Variants in DYNC2H1 observed in about 807,000 individuals in gnomAD.
DYNC2H1 encodes dynein cytoplasmic 2 heavy chain 1.
DYNC2H1 carries 410 observed loss-of-function variants against 570.0 expected under a neutral mutation model. That is an observed-to-expected ratio of 0.72 (90% CI 0.66 to 0.78). DYNC2H1 has a LOEUF of 0.78. DYNC2H1 is among the 30% of genes least tolerant of loss of function. DYNC2H1 has a pLI of 0.00. For synonymous variants in DYNC2H1, 1,688 were observed against 1,677.6 expected (o/e 1.01, Z -0.15); for missense variants, 4,865 against 5,046.4 (o/e 0.96, Z 1.09).
intron 27 of DYNC2H1, 21 bp from the exon 28 acceptor site, chr11:103,158,889 T>G: frequency 6.4e-7 from 1 of 1,570,018 alleles, no homozygotes; most frequent in Non-Finnish European, 8.6e-7. Context: ...GAAAGCTATT[T>G]TTTGTTTCTA....
chr11:103,332,370 C>A (rs2514415), intron 82 of DYNC2H1, among the ~76,000 whole-genome samples: 68,735 of 150,014 alleles, frequency 0.46, 15,861 homozygotes, highest in Non-Finnish European at 0.49. Context: ...AAAATCAAAC[C>A]ATCTAACCAT....
intron 58 of DYNC2H1, 105 bp from the exon 59 acceptor site, chr11:103,222,860 A>G: frequency 7.0e-7 from 1 of 1,420,978 alleles, no homozygotes; most frequent in East Asian, 2.4e-5. Flanking sequence ...AAACTACTTT[A>G]TTTGGGTCAA....
At position 103,326,845 on chromosome 11, in the gene DYNC2H1, C is replaced by T. The variant is rs1435390215; in HGVS notation, c.12039+2855C>T. Reference sequence around the variant, plus strand: ...GCCTCTAGGAGGGTGATGAGGACCCCTGGGGGAATGGGCACTTAGGGCCTT... The same window carrying T: ...GCCTCTAGGAGGGTGATGAGGACCCTTGGGGGAATGGGCACTTAGGGCCTT... On this transcript the variant is annotated intron_variant, in intron 82 of 88. Coordinates refer to ENST00000375735, the MANE Select transcript of DYNC2H1 (RefSeq NM_001377.3). The surrounding 1 kb of genome is among the most constrained non-coding windows in gnomAD (Gnocchi z 6.1). 1.3e-5 allele frequency among the ~76,000 whole-genome samples: 2 copies of T among 152,172 alleles called. No individual in the cohort carries two copies. The highest frequency in any genetic ancestry group is 2.9e-5 in the Non-Finnish European group (2 of 68,018).
chr11:103,115,189 C>A lies in DYNC2H1; in HGVS notation c.515C>A (p.Pro172Gln). 1 of 1,608,728 alleles carries A rather than the reference C, an allele frequency of 6.2e-7. No individual in the cohort carries two copies. Among genetic ancestry groups the A allele is most frequent in the South Asian group, 1.1e-5 (1 of 89,706 alleles). The stretch of plus-strand genomic sequence containing the variant: ...TTGACTTTTATAGGTATCCTTACAC[C>A]AAGCGATGAGTTCCAGTTTTGGATA... ...KEDDTRGILTPSDEFQFWIEQ... is the reference protein window; with the variant it reads ...KEDDTRGILTQSDEFQFWIEQ... The change falls in exon 4 of 89, where the codon CCA becomes CAA. Residue 172 changes from proline to glutamine, a missense_variant. Around this residue, in one of 5 missense-constraint regions of DYNC2H1, gnomAD observed 1,936 missense variants for 1,962.1 expected, o/e 0.99. Transcript: ENST00000375735.
At chr11:103,458,987 A>G (rs1036820751) in intron 87 of DYNC2H1, among the ~76,000 whole-genome samples, 2 of 151,962 alleles carry the variant, frequency 1.3e-5, no homozygotes, top group Admixed American at 1.3e-4. Flanking sequence ...ATAGTTCTTT[A>G]ATGCAGTTAA....
chr11:103,113,844 T>A (rs1591256499), intron 2 of DYNC2H1, 137 bp downstream of exon 2: 3 of 881,254 alleles, frequency 3.4e-6, no homozygotes, highest in Admixed American at 3.9e-5. Context: ...TAACTTTTTT[T>A]AACTTAAATT....
At chr11:103,430,598 A>T (rs1409488138) in intron 84 of DYNC2H1, among the ~76,000 whole-genome samples, 1 of 152,072 alleles carries the variant, frequency 6.6e-6, no homozygotes, top group Non-Finnish European at 1.5e-5. Flanking sequence ...TTAAAGGTTG[A>T]TTTAGTTTTA....
intron 78 of DYNC2H1, among the ~76,000 whole-genome samples, chr11:103,309,168 A>ATTTTTTCTTTTTTTTTTTTTTTTTTTT (rs1867445030): frequency 1.8e-5 from 1 of 54,620 alleles, no homozygotes. Flanking sequence ...ACTGCATGCT[A>ATTTTTTCTTTTTTTTTTTTTTTTTTTT]TTTTTTTTTT....
Position 103,154,723 on chromosome 11 carries a change from T to C in DYNC2H1, c.3487T>C (p.Leu1163=). The part of the protein sequence containing the change: ...RTKTYLFEEF[L]MNWHDRLRKV... ...TAAGACATACCTGTTTGAGGAATTT[T>C]TGATGAACTGGCATGACAGATTAAG... Residue 1163 remains leucine (L), a synonymous_variant, in exon 24 of 89, where the codon TTG becomes CTG. Transcript: ENST00000375735. 1 of 1,571,578 alleles carries C rather than the reference T, an allele frequency of 6.4e-7. No homozygotes were observed. Among genetic ancestry groups the C allele is most frequent in the Non-Finnish European group, 8.6e-7 (1 of 1,158,176 alleles).
rs1858251772 is a variant in DYNC2H1 at position 103,114,104 on chromosome 11, A to T, written c.368A>T (p.Asp123Val). ...RQVFAPMLLKDQEWSRNFDPK... is the reference protein window; with the variant it reads ...RQVFAPMLLKVQEWSRNFDPK... Reference sequence around the variant, plus strand: ...TTGCTCTTGTCTGTTTTTATTTAGGATCAGGAATGGAGCAGAAACTTTGAT... The same window carrying T: ...TTGCTCTTGTCTGTTTTTATTTAGGTTCAGGAATGGAGCAGAAACTTTGAT... Residue 123 changes from aspartate to valine, a missense_variant and splice_region_variant, in exon 3 of 89, where the codon GAT becomes GTT. Asp to Val is a radical substitution (Grantham distance 152). Coordinates refer to ENST00000375735, the MANE Select transcript of DYNC2H1 (RefSeq NM_001377.3). The T allele has an allele frequency of 6.8e-6, 11 of 1,609,372 alleles. No individual in the cohort carries two copies. Among genetic ancestry groups the T allele is most frequent in the Non-Finnish European group, 9.3e-6 (11 of 1,177,654 alleles).
intron 83 of DYNC2H1, among the ~76,000 whole-genome samples, chr11:103,377,820 T>C (rs1400334979): frequency 6.6e-6 from 1 of 152,240 alleles, no homozygotes; most frequent in East Asian, 1.9e-4. Flanking sequence ...CATTATATCC[T>C]CCACCTCCCA....
chr11:103,456,335 A>G lies in DYNC2H1; in HGVS notation c.12627A>G (p.Gln4209=). Residue 4209 remains glutamine (Q), a synonymous_variant, in exon 87 of 89, where the codon CAA becomes CAG. Transcript: ENST00000375735. ...TAGCCTCATGGAAAGGTCGACTGCAAGAAGCAAAGCTACAAATTAAGGTAC... is the reference window on the plus strand; with the variant it reads ...TAGCCTCATGGAAAGGTCGACTGCAGGAAGCAAAGCTACAAATTAAGGTAC... ...KFVASWKGRL[Q]EAKLQIKISG... is the part of the protein sequence containing the mutation. 1 of 1,605,050 alleles carries G rather than the reference A, an allele frequency of 6.2e-7. No homozygotes were observed. The highest frequency in any genetic ancestry group is 1.3e-5 in the African/African-American group (1 of 74,942).
At chr11:103,315,126 C>T (rs908965211) in intron 79 of DYNC2H1, among the ~76,000 whole-genome samples, 1 of 151,612 alleles carries the variant, frequency 6.6e-6, no homozygotes, top group Non-Finnish European at 1.5e-5. Context: ...TGCTATTGAC[C>T]CCAAATTTAC....
intron 26 of DYNC2H1, among the ~76,000 whole-genome samples, chr11:103,158,168 C>T (rs1183860851): frequency 6.6e-6 from 1 of 152,224 alleles, no homozygotes; most frequent in Non-Finnish European, 1.5e-5. Context: ...CTTAGCAAGG[C>T]TGGGCATGGT....
In DYNC2H1 at chr11:103,280,214, A is replaced by G. The variant is rs981827011; in HGVS notation, c.10696-134A>G. On this transcript the variant is annotated intron_variant, in intron 70 of 88. Coordinates refer to ENST00000375735, the MANE Select transcript of DYNC2H1 (RefSeq NM_001377.3). This position sits in a 1 kb window ranked among gnomAD's most constrained non-coding sequence, Gnocchi z 4.7. ...AGATGTAGAAAGCAATCTGAATAGTAATTTCTTACATCGATAAAAAAGTAG... is the reference window on the plus strand; with the variant it reads ...AGATGTAGAAAGCAATCTGAATAGTGATTTCTTACATCGATAAAAAAGTAG... The G allele has an allele frequency of 2.4e-6, 2 of 817,564 alleles. 1 individual carries two copies. The highest frequency in any genetic ancestry group is 4.9e-5 in the Admixed American group (2 of 40,536). The allele number at this position is 817,564 out of a possible 1,614,324, so 50.6% of individuals were successfully genotyped here.
chr11:103,275,961 T>C lies in DYNC2H1; in HGVS notation c.10696-4387T>C, dbSNP rs1317248255. The stretch of plus-strand genomic sequence containing the variant: ...GCTAACCTGCCTTCCAAAGTGGCTG[T>C]ACCCTTTTGCATTCCTGCCAGCAAT... On this transcript the variant is annotated intron_variant, in intron 70 of 88. Coordinates refer to ENST00000375735, the MANE Select transcript of DYNC2H1 (RefSeq NM_001377.3). This position sits in a 1 kb window ranked among gnomAD's most constrained non-coding sequence, Gnocchi z 4.8. Among the ~76,000 whole-genome samples the C allele has an allele frequency of 1.3e-5, 2 of 152,206 alleles. No individual in the cohort carries two copies. The highest frequency in any genetic ancestry group is 6.5e-5 in the Admixed American group (1 of 15,274).
intron 83 of DYNC2H1, among the ~76,000 whole-genome samples, chr11:103,365,852 T>G (rs1169390155): frequency 6.6e-6 from 1 of 152,258 alleles, no homozygotes; most frequent in Non-Finnish European, 1.5e-5. Flanking sequence ...AATTTTGGAC[T>G]AATCTGTAGC....
intron 17 of DYNC2H1, among the ~76,000 whole-genome samples, chr11:103,136,920 A>C (rs920068448): frequency 9.2e-5 from 14 of 151,714 alleles, no homozygotes; most frequent in African/African-American, 3.4e-4. Context: ...TTGCCATTCT[A>C]ACTGGTGTGA....
chr11:103,348,502 G>A (rs2435911), intron 82 of DYNC2H1, among the ~76,000 whole-genome samples: 146,908 of 152,196 alleles, frequency 0.97, 71,128 homozygotes, highest in Middle Eastern at 1. Context: ...TTATCAGTAT[G>A]GATTAGTTTG....
Sources: allele counts gnomAD v4.1 joint callset (sites outside exome capture counted in the v4.1 genomes callset), GRCh38; gene constraint gnomAD v4.1.1; regional missense constraint gnomAD v4.1.1; non-coding constraint Gnocchi (gnomAD v3.1); transcripts MANE v1.5; gene names NCBI Gene and HGNC (gene_info 2026-07-23, HGNC 2026-07-21).